The following KASH5 variants were observed in gnomAD, a reference collection of about 807,000 sequenced individuals.
KASH5 encodes KASH domain containing 5, also known as protein KASH5.
A neutral mutation model predicts 84.2 loss-of-function variants in KASH5; 72 were observed. The ratio of observed to expected loss-of-function variants is 0.85; its 90% confidence interval spans 0.71 to 1.04. The LOEUF is 1.04. Ranked by LOEUF, KASH5 falls within the 50% of genes least tolerant of loss-of-function variation. The pLI is 0.00. For missense variants in KASH5, 650 were observed against 701.0 expected (o/e 0.93, Z 0.82); for synonymous variants, 260 against 279.1 (o/e 0.93, Z 0.68).
rs1310348939 is a variant in KASH5 at position 49,417,584 on chromosome 19, T to C, written c.*74T>C. 4 of 1,442,792 alleles carry C rather than the reference T, an allele frequency of 2.8e-6. No homozygotes were observed. Among genetic ancestry groups the C allele is most frequent in the Admixed American group, 5.2e-5 (2 of 38,634 alleles). The allele number at this position is 1,442,792 out of a possible 1,614,324, so 89.4% of individuals were successfully genotyped here. A position where few individuals can be genotyped will look rare whatever the true frequency, so the allele number is the denominator to read the frequency against. The stretch of plus-strand genomic sequence containing the variant: ...GGCCCTCTCTCCACTGGGATCCCCA[T>C]TGTTAGTCCACTGTTGCGCAGGCTT... On this transcript the variant is annotated 3_prime_UTR_variant, in exon 20 of 20. Coordinates refer to ENST00000447857, the MANE Select transcript of KASH5 (RefSeq NM_144688.5). The surrounding 1 kb of genome is among the most constrained non-coding windows in gnomAD (Gnocchi z 5.2).
Position 49,415,036 on chromosome 19 carries a change from T to A in KASH5, c.1374+40T>A, listed in dbSNP as rs777246519. The stretch of plus-strand genomic sequence containing the variant: ...GCACCCCTCCCCAGTCCCCATCCAC[T>A]CCACACCCACAGAGGCTGAGTCGTT... On this transcript the variant is annotated intron_variant, in intron 17 of 19. Coordinates refer to ENST00000447857, the MANE Select transcript of KASH5 (RefSeq NM_144688.5). 16 of 1,577,402 alleles carry A rather than the reference T, an allele frequency of 1.0e-5. No homozygotes were observed. The South Asian group carries it at 1.7e-4, about 17-fold the overall frequency.
intron 12 of KASH5, among the ~76,000 whole-genome samples, chr19:49,407,982 C>G (rs1446682564): frequency 1.3e-5 from 2 of 152,026 alleles, no homozygotes; most frequent in African/African-American, 4.8e-5. Context: ...GTGGCACAAT[C>G]TCGGCTCACT....
intron 2 of KASH5, 149 bp downstream of exon 2, chr19:49,391,075 C>A: frequency 1.2e-6 from 1 of 839,410 alleles, no homozygotes; most frequent in Non-Finnish European, 1.9e-6. Context: ...AGGGAAGGGA[C>A]TCTGGTAGAT....
chr19:49,396,592 C>T (rs972037323), intron 5 of KASH5, among the ~76,000 whole-genome samples: 2 of 152,162 alleles, frequency 1.3e-5, no homozygotes, highest in African/African-American at 2.4e-5. Context: ...CCCTGGTATG[C>T]CCCTGGCTAG....
chr19:49,398,430 G>A (rs1974257144), intron 7 of KASH5, among the ~76,000 whole-genome samples: 1 of 151,182 alleles, frequency 6.6e-6, no homozygotes, highest in Admixed American at 6.6e-5. Flanking sequence ...GTGCAGTGGG[G>A]GTGATCACAG....
At position 49,395,170 on chromosome 19, in the gene KASH5, T is replaced by C; in HGVS notation, c.213T>C (p.Asp71=). ...CTGTGACAGGCCAGGGCCCCCAGGATGCACGCCTCCAAACATTGGCCAACA... is the reference window on the plus strand; with the variant it reads ...CTGTGACAGGCCAGGGCCCCCAGGACGCACGCCTCCAAACATTGGCCAACA... ...LEAVTGQGPQ[D]ARLQTLANSL... The change falls in exon 4 of 20, where the codon GAT becomes GAC. Residue 71 remains aspartate, a synonymous_variant. Coordinates refer to ENST00000447857, the MANE Select transcript of KASH5 (RefSeq NM_144688.5). The surrounding 1 kb of genome is among the most constrained non-coding windows in gnomAD (Gnocchi z 4.4). 1.2e-6 allele frequency: 2 copies of C among 1,613,136 alleles called. No individual in the cohort carries two copies. The highest frequency in any genetic ancestry group is 1.7e-5 in the Admixed American group (1 of 59,852).
rs74718751 is a variant in KASH5 at position 49,396,649 on chromosome 19, T to C, written c.400+816T>C. ...ACTCCTAGACTTGTAGGCCTTTCCA[T>C]TGGAACATCCACCTGCAGAGGAAAT... On this transcript the variant is annotated intron_variant, in intron 5 of 19. Coordinates refer to ENST00000447857, the MANE Select transcript of KASH5 (RefSeq NM_144688.5). Among the ~76,000 whole-genome samples the C allele has an allele frequency of 6.4e-3, 972 of 152,192 alleles. 8 individuals carry two copies. The highest frequency in any genetic ancestry group is 0.022 in the African/African-American group (933 of 41,530).
At chr19:49,409,625 G>T (rs1336990377) in intron 14 of KASH5, 128 bp from the exon 15 acceptor site, 2 of 1,206,694 alleles carry the variant, frequency 1.7e-6, no homozygotes, top group Non-Finnish European at 2.4e-6. Context: ...CCCAACCCCA[G>T]CCCCACACCA....
intron 14 of KASH5, 105 bp from the exon 15 acceptor site, chr19:49,409,648 C>A: frequency 2.8e-6 from 4 of 1,429,078 alleles, no homozygotes; most frequent in Non-Finnish European, 3.9e-6. Context: ...CCTTTTCTAT[C>A]TCTCATCCTA....
chr19:49,395,852 G>A lies in KASH5; in HGVS notation c.400+19G>A, dbSNP rs1241197074. 7 of 1,548,920 alleles carry A rather than the reference G, an allele frequency of 4.5e-6. No individual in the cohort carries two copies. The Middle Eastern group carries it at 5.1e-4, about 113-fold the overall frequency. ...CCATCTGGTGAGATTGCTATATATA[G>A]AATGAAGCAGGCAGGCCCTGGGTCA... On this transcript the variant is annotated intron_variant, in intron 5 of 19. Coordinates refer to ENST00000447857, the MANE Select transcript of KASH5 (RefSeq NM_144688.5). The surrounding 1 kb of genome is among the most constrained non-coding windows in gnomAD (Gnocchi z 4.4).
rs1306931352 is a variant in KASH5, at chr19:49,417,185, C to T, written c.1466C>T (p.Ala489Val). ...CCTGCGCGGCGGGAACTCCAGCAAG[C>T]CCTGGTGCCTGTGATGAAAAAGCTG... ...ERPARRELQQ[A>V]LVPVMKKLVP... Residue 489 changes from alanine (A) to valine (V), a missense_variant, in exon 19 of 20, where the codon GCC becomes GTC. Physicochemically the swap from Ala to Val is moderately conservative, Grantham distance 64. Coordinates refer to ENST00000447857, the MANE Select transcript of KASH5 (RefSeq NM_144688.5). This position sits in a 1 kb window ranked among gnomAD's most constrained non-coding sequence, Gnocchi z 5.2. 1 of 1,613,750 alleles carries T rather than the reference C, an allele frequency of 6.2e-7. No individual in the cohort carries two copies. The highest frequency in any genetic ancestry group is 8.5e-7 in the Non-Finnish European group (1 of 1,179,836).
At chr19:49,411,933 AAGG>A (rs1974726652) in intron 15 of KASH5, among the ~76,000 whole-genome samples, 1 of 130,408 alleles carries the variant, frequency 7.7e-6, no homozygotes. Context: ...GGAAGGAAGG[AAGG>A]AAGGAAGGAA....
At chr19:49,411,957 AAGGAAGGAAGGAAG>A (rs1204073349) in intron 15 of KASH5, among the ~76,000 whole-genome samples, 1 of 148,938 alleles carries the variant, frequency 6.7e-6, no homozygotes, top group Non-Finnish European at 1.5e-5. Flanking sequence ...GGAAGGAAGG[AAGGAAGGAAGGAAG>A]GAAAGAAGGA....
Position 49,411,847 on chromosome 19 carries a change from T to C in KASH5, c.1270-1121T>C, listed in dbSNP as rs187164259. Among the ~76,000 whole-genome samples the C allele has an allele frequency of 1.5e-3, 229 of 148,452 alleles. 3 individuals are homozygous for C. The highest frequency in any genetic ancestry group is 2.4e-3 in the Non-Finnish European group (165 of 67,480). On this transcript the variant is annotated intron_variant, in intron 15 of 19. Transcript: ENST00000447857. The stretch of plus-strand genomic sequence containing the variant: ...GTCAGGTCAGAGATTGGGGAAGATA[T>C]TGAAGGAAAACTGATACTTGAGTGG...
chr19:49,414,846 C>T lies in KASH5; in HGVS notation c.1329-105C>T. 7.3e-7 allele frequency: 1 copy of T among 1,372,366 alleles called. No individual in the cohort carries two copies. Among genetic ancestry groups the T allele is most frequent in the East Asian group, 2.5e-5 (1 of 40,046 alleles). The allele number at this position is 1,372,366 out of a possible 1,614,324, so 85.0% of individuals were successfully genotyped here. On this transcript the variant is annotated intron_variant, in intron 16 of 19. Transcript: ENST00000447857. The surrounding 1 kb of genome is among the most constrained non-coding windows in gnomAD (Gnocchi z 4.5). Reference sequence around the variant, plus strand: ...CCCCAGGCCCGTCCGTGCTGCCTGGCCTGTGCTAAGACCCCCTGCTCCAAG... The same window carrying T: ...CCCCAGGCCCGTCCGTGCTGCCTGGTCTGTGCTAAGACCCCCTGCTCCAAG...
rs574672019 is a variant in KASH5 at position 49,388,251 on chromosome 19, G to A, written c.-172G>A. ...GCTTTTTCTGGCGGGAAAAGCTCAC[G>A]CGCACCTCCCCCAACTCAACTGCCG... On this transcript the variant is annotated 5_prime_UTR_variant, in exon 1 of 20. Coordinates refer to ENST00000447857, the MANE Select transcript of KASH5 (RefSeq NM_144688.5). 1 of 152,268 alleles carries A rather than the reference G, an allele frequency of 6.6e-6. No individual in the cohort carries two copies. The highest frequency in any genetic ancestry group is 1.5e-5 in the Non-Finnish European group (1 of 68,080). 9.4% of individuals were successfully genotyped at this position (152,268 alleles called of 1,614,324 possible).
intron 15 of KASH5, among the ~76,000 whole-genome samples, chr19:49,410,931 TTTAA>T (rs1310952357): frequency 6.6e-6 from 1 of 150,840 alleles, no homozygotes; most frequent in African/African-American, 2.4e-5. Context: ...CTTTTTTTTT[TTTAA>T]TTAATTAATT....
At chr19:49,391,303 GTC>G (rs1204902719) in intron 2 of KASH5, among the ~76,000 whole-genome samples, 2 of 152,126 alleles carry the variant, frequency 1.3e-5, no homozygotes, top group East Asian at 1.9e-4. Context: ...GTCATGTTTT[GTC>G]TCTGTCTCCC....
intron 2 of KASH5, 147 bp downstream of exon 2, chr19:49,391,073 G>A: frequency 1.2e-6 from 1 of 839,182 alleles, no homozygotes; most frequent in Admixed American, 2.9e-5. Flanking sequence ...GGAGGGAAGG[G>A]ACTCTGGTAG....
Sources: allele counts gnomAD v4.1 joint callset (sites outside exome capture counted in the v4.1 genomes callset), GRCh38; gene constraint gnomAD v4.1.1; non-coding constraint Gnocchi (gnomAD v3.1); transcripts MANE v1.5; gene names NCBI Gene and HGNC (gene_info 2026-07-23, HGNC 2026-07-21).